Variants in ZNF737 observed in about 807,000 individuals in gnomAD.
ZNF737 encodes zinc finger protein 102 (Y3).
In ZNF737, 13 loss-of-function variants were observed where a neutral mutation model predicts 11.7. The observed-to-expected ratio is 1.11, with a 90% CI of 0.73 to 1.77. The LOEUF is 1.77. ZNF737 is among the 40% of genes most tolerant of loss of function. The pLI is 0.00. For synonymous variants in ZNF737, 217 were observed against 216.2 expected, an observed-to-expected ratio of 1.00 and a Z score of -0.03; for missense variants, 636 against 638.0, an observed-to-expected ratio of 1.00 and a Z score of 0.03.
chr19:20,535,645 C>T (rs1326979334), downstream of ZNF737, among the ~76,000 whole-genome samples: 3 of 151,658 alleles, frequency 2.0e-5, no homozygotes, highest in Non-Finnish European at 4.4e-5. Context: ...CCTGCCTCAG[C>T]CTCCTCAGGA....
At chr19:20,537,511 A>ATT (rs1163609628), downstream of ZNF737, among the ~76,000 whole-genome samples, 16,624 of 76,880 alleles carry the variant, frequency 0.22, 3,241 homozygotes, top group East Asian at 0.36. Flanking sequence ...CTGGTTTTCT[A>ATT]TTTTTTTTTT....
downstream of ZNF737, among the ~76,000 whole-genome samples, chr19:20,533,908 C>G (rs1386930316): frequency 6.7e-6 from 1 of 150,030 alleles, no homozygotes; most frequent in Admixed American, 6.6e-5. Flanking sequence ...TTGAAATCAC[C>G]TGGACTGAGT....
chr19:20,542,885 C>A lies in ZNF737; in HGVS notation c.*1707G>T, dbSNP rs192862158. On this transcript the variant is annotated 3_prime_UTR_variant, in exon 4 of 4. Transcript: ENST00000427401. Reference sequence around the variant, plus strand: ...GCATAATTTGAAAGCTGTATTACATCATTATTCAGCTTTCAAAAAATTTTA... The same window carrying A: ...GCATAATTTGAAAGCTGTATTACATAATTATTCAGCTTTCAAAAAATTTTA... 5 of 985,030 alleles carry A rather than the reference C, an allele frequency of 5.1e-6. No individual in the cohort carries two copies. The East Asian group carries it at 4.5e-4, about 89-fold the overall frequency. 61.0% of individuals were successfully genotyped at this position (985,030 alleles called of 1,614,324 possible). A position where few individuals can be genotyped will look rare whatever the true frequency, so the allele number is the denominator to read the frequency against.
chr19:20,531,234 GGGGAGAGGGGAGAC>G (rs1334318682), downstream of ZNF737, among the ~76,000 whole-genome samples: 8 of 132,078 alleles, frequency 6.1e-5, 1 homozygote, highest in Non-Finnish European at 8.0e-5. Flanking sequence ...GGAGGAGAGA[GGGGAGAGGGGAGAC>G]GGGAGAGGGG....
chr19:20,545,649 G>T lies in ZNF737; in HGVS notation c.554C>A (p.Ser185Tyr). 1 of 1,613,964 alleles carries T rather than the reference G, an allele frequency of 6.2e-7. No individual in the cohort carries two copies. Among genetic ancestry groups the T allele is most frequent in the Non-Finnish European group, 8.5e-7 (1 of 1,179,938 alleles). ...TTTCTTATGTGTAGTAAGGGTTGAA[G>T]ACTGGTTAAAAGCTTTGCCACATTC... ...CIECGKAFNQ[S>Y]STLTTHKKIH... Residue 185 changes from serine (S) to tyrosine (Y), a missense_variant, in exon 4 of 4, where the codon TCT becomes TAT. Coordinates refer to ENST00000427401, the MANE Select transcript of ZNF737 (RefSeq NM_001159293.2).
Position 20,545,571 on chromosome 19 carries a change from T to C in ZNF737, c.632A>G (p.Asn211Ser). 1.9e-6 allele frequency: 3 copies of C among 1,613,842 alleles called. No homozygotes were observed. Among genetic ancestry groups the C allele is most frequent in the Non-Finnish European group, 2.5e-6 (3 of 1,179,864 alleles). ...FKCEECGKAF[N>S]WSSHLTTHKR... ...ATGTGTAGTAAGGTGTGAGGACCAG[T>C]TGAAGGCTTTGCCACATTCTTCACA... Residue 211 changes from asparagine (N) to serine (S), a missense_variant, in exon 4 of 4, where the codon AAC becomes AGC. Asn to Ser is a conservative substitution (Grantham distance 46). Coordinates refer to ENST00000427401, the MANE Select transcript of ZNF737 (RefSeq NM_001159293.2).
chr19:20,565,417 G>GGA (rs112835682), intron 1 of ZNF737, among the ~76,000 whole-genome samples: 1 of 151,796 alleles, frequency 6.6e-6, no homozygotes, highest in African/African-American at 2.4e-5. Context: ...CCAGGCCAGA[G>GGA]CAGTCACTAC....
rs1473172956 is a variant in ZNF737, at chr19:20,540,080, CCT to C, written c.*4510_*4511del. The C allele has an allele frequency of 3.5e-5, 34 of 985,322 alleles. No homozygotes were observed. The African/African-American group carries it at 5.6e-4, about 16-fold the overall frequency. 61.0% of individuals were successfully genotyped at this position (985,322 alleles called of 1,614,324 possible). A position where few individuals can be genotyped will look rare whatever the true frequency, so the allele number is the denominator to read the frequency against. ...CTTTTTTTTCCCTCTGCCATAGAAT[CCT>C]CTTATGTTCCTTACTGGAAGCAACA... On this transcript the variant is annotated 3_prime_UTR_variant, in exon 4 of 4. Coordinates refer to ENST00000427401, the MANE Select transcript of ZNF737 (RefSeq NM_001159293.2).
At chr19:20,547,466 TAGAGA>T (rs1555757329) in intron 3 of ZNF737, among the ~76,000 whole-genome samples, 1 of 146,204 alleles carries the variant, frequency 6.8e-6, no homozygotes, top group East Asian at 2.0e-4. Context: ...AAGAACAGAA[TAGAGA>T]ACTCAGAAAT....
intron 1 of ZNF737, among the ~76,000 whole-genome samples, chr19:20,564,819 C>CAA (rs71172602): frequency 1.8e-4 from 27 of 147,092 alleles, no homozygotes; most frequent in African/African-American, 6.0e-4. Flanking sequence ...ATTTCTACCT[C>CAA]AAAAAAAAAA....
downstream of ZNF737, among the ~76,000 whole-genome samples, chr19:20,536,385 A>C (rs782650376): frequency 6.6e-6 from 1 of 152,206 alleles, no homozygotes; most frequent in Non-Finnish European, 1.5e-5. Context: ...GCTAATTTTT[A>C]TTTAAAATTT....
At chr19:20,564,222 T>G (rs2144713100) in intron 1 of ZNF737, 1 of 152,184 alleles carries the variant, frequency 6.6e-6, no homozygotes, top group African/African-American at 2.4e-5. Flanking sequence ...TGGGAACACT[T>G]CTAGAAGGTA....
intron 2 of ZNF737, among the ~76,000 whole-genome samples, chr19:20,553,489 G>C (rs1319819908): frequency 2.6e-5 from 4 of 151,946 alleles, no homozygotes; most frequent in Non-Finnish European, 4.4e-5. Flanking sequence ...TGAACTCCTA[G>C]CCTCAGGTAA....
At chr19:20,562,734 C>A (rs1969144626) in intron 1 of ZNF737, among the ~76,000 whole-genome samples, 2 of 152,114 alleles carry the variant, frequency 1.3e-5, no homozygotes, top group Admixed American at 6.6e-5. Flanking sequence ...GGTTTACAGG[C>A]ATGAGCCACC....
chr19:20,555,506 C>T (rs74992343), intron 1 of ZNF737, among the ~76,000 whole-genome samples: 11,656 of 152,188 alleles, frequency 0.077, 497 homozygotes, highest in South Asian at 0.14. Flanking sequence ...TAATCCTGTT[C>T]GGCATACAGC....
At position 20,545,627 on chromosome 19, in the gene ZNF737, C is replaced by G. The variant is rs1968424287; in HGVS notation, c.576G>C (p.Lys192Asn). Residue 192 changes from lysine (K) to asparagine (N), a missense_variant, in exon 4 of 4, where the codon AAG becomes AAC. Lys to Asn is a moderately conservative substitution (Grantham distance 94, BLOSUM62 0). Transcript: ENST00000427401. ...AGGGTTTCTCCCCAGTATGAATTTT[C>G]TTATGTGTAGTAAGGGTTGAAGACT... is the stretch of plus-strand genomic sequence containing the variant. ...FNQSSTLTTH[K>N]KIHTGEKPFK... is the part of the protein sequence containing the mutation. 1 of 1,613,864 alleles carries G rather than the reference C, an allele frequency of 6.2e-7. No homozygotes were observed. Among genetic ancestry groups the G allele is most frequent in the Non-Finnish European group, 8.5e-7 (1 of 1,179,970 alleles).
At chr19:20,559,678 G>A (rs1243879948) in intron 1 of ZNF737, among the ~76,000 whole-genome samples, 1 of 152,224 alleles carries the variant, frequency 6.6e-6, no homozygotes, top group African/African-American at 2.4e-5. Context: ...GTAAAAAGCA[G>A]TGTGGCGGTT....
rs1968151997 is a variant in ZNF737, at chr19:20,540,362, A to C, written c.*4230T>G. On this transcript the variant is annotated 3_prime_UTR_variant, in exon 4 of 4. Coordinates refer to ENST00000427401, the MANE Select transcript of ZNF737 (RefSeq NM_001159293.2). Reference sequence around the variant, plus strand: ...AAGTGATTTCCCACCACAGTCACACATTTTTTTTACACTCAAGAGGAAAGT... The same window carrying C: ...AAGTGATTTCCCACCACAGTCACACCTTTTTTTTACACTCAAGAGGAAAGT... 6.6e-6 allele frequency among the ~76,000 whole-genome samples: 1 copy of C among 152,030 alleles called. No homozygotes were observed. The highest frequency in any genetic ancestry group is 1.9e-4 in the East Asian group (1 of 5,186).
downstream of ZNF737, among the ~76,000 whole-genome samples, chr19:20,530,905 G>C (rs192802381): frequency 4.1e-5 from 6 of 147,732 alleles, no homozygotes; most frequent in South Asian, 4.5e-4. Flanking sequence ...GTAGCGAGCC[G>C]AGATCACACC....
Sources: allele counts gnomAD v4.1 joint callset (sites outside exome capture counted in the v4.1 genomes callset), GRCh38; gene constraint gnomAD v4.1.1; transcripts MANE v1.5; gene names NCBI Gene and HGNC (gene_info 2026-07-23, HGNC 2026-07-21).